REST: variants seen among roughly 807,000 people sequenced by gnomAD.
REST encodes RE1-silencing transcription factor.
A neutral mutation model predicts 30.4 loss-of-function variants in REST; 1 was observed. The observed-to-expected ratio is 0.03, with a 90% CI of 0.01 to 0.16. The LOEUF is 0.16. Among genes scored for constraint, REST ranks in the 10% least tolerant of loss-of-function variants. REST has a pLI of 1.00. For missense variants in REST, 1,259 were observed against 1,329.5 expected, an observed-to-expected ratio of 0.95 and a Z score of 0.82; for synonymous variants, 504 against 451.1, an observed-to-expected ratio of 1.12 and a Z score of -1.49.
chr4:56,907,984 G>C lies in REST; in HGVS notation c.-239G>C, dbSNP rs868082678. 10 of 366,406 alleles carry C rather than the reference G, an allele frequency of 2.7e-5. No homozygotes were observed. In the South Asian group the frequency reaches 1.2e-3, roughly 44 times the overall value. The allele number at this position is 366,406 out of a possible 1,614,324, so 22.7% of individuals were successfully genotyped here. On this transcript the variant is annotated 5_prime_UTR_variant, in exon 1 of 4. Coordinates refer to ENST00000309042, the MANE Select transcript of REST (RefSeq NM_005612.5). ...GCGGAGCGAGCGCCGCCGAGGCCCG[G>C]GGCCCCAGACCCTGGCGGCGGCTGC...
At chr4:56,926,305 CCT>C (rs1187916969) in intron 3 of REST, among the ~76,000 whole-genome samples, 6 of 152,070 alleles carry the variant, frequency 3.9e-5, no homozygotes, top group African/African-American at 1.4e-4. Flanking sequence ...CAACTCCTGA[CCT>C]CTTGATTCGC....
At position 56,931,600 on chromosome 4, in the gene REST, C is replaced by T. The variant is rs757216362; in HGVS notation, c.2742C>T (p.Asn914=). 2.6e-5 allele frequency: 42 copies of T among 1,614,080 alleles called. No individual in the cohort carries two copies. Among genetic ancestry groups the T allele is most frequent in the South Asian group, 4.4e-5 (4 of 91,084 alleles). ...ESLPGLAANI[N]ESTHISSSGQ... ...TACCTGGTCTTGCTGCTAATATCAA[C>T]GAATCTACCCATATTTCATCCTCTG... is the stretch of plus-strand genomic sequence containing the variant. The change falls in exon 4 of 4, where the codon AAC becomes AAT. Residue 914 remains asparagine, a synonymous_variant. Transcript: ENST00000309042.
At chr4:56,909,509 C>G (rs954880553) in intron 1 of REST, 1 of 152,196 alleles carries the variant, frequency 6.6e-6, no homozygotes, top group Non-Finnish European at 1.5e-5. Context: ...CCAAATTACC[C>G]AATAGCTTGG....
At position 56,931,541 on chromosome 4, in the gene REST, C is replaced by T; in HGVS notation, c.2683C>T (p.Gln895Ter). Reference sequence around the variant, plus strand: ...TGAAGGAAATAAAGAAGCCCCTCTTCAGAAAGTAGGAGCAGAAGAGGCAGA... The same window carrying T: ...TGAAGGAAATAAAGAAGCCCCTCTTTAGAAAGTAGGAGCAGAAGAGGCAGA... Reference protein sequence around the residue: ...TGEGNKEAPLQKVGAEEADES... With the variant: ...TGEGNKEAPL The change falls in exon 4 of 4, where the codon CAG (glutamine) becomes TAG (stop). Residue 895 changes from glutamine to a stop codon, truncating the protein, a stop_gained. Transcript: ENST00000309042. LOFTEE classifies it low-confidence loss of function (END_TRUNC). 1 of 1,614,202 alleles carries T rather than the reference C, an allele frequency of 6.2e-7. No individual in the cohort carries two copies. The highest frequency in any genetic ancestry group is 8.5e-7 in the Non-Finnish European group (1 of 1,180,038).
Position 56,910,763 on chromosome 4 carries a change from C to G in REST, c.125C>G (p.Ala42Gly), listed in dbSNP as rs769459656. 2 of 1,614,178 alleles carry G rather than the reference C, an allele frequency of 1.2e-6. No homozygotes were observed. The highest frequency in any genetic ancestry group is 1.7e-6 in the Non-Finnish European group (2 of 1,180,044). Residue 42 changes from alanine (A) to glycine (G), a missense_variant, in exon 2 of 4, where the codon GCC (alanine) becomes GGC (glycine). This residue lies in a region of REST where 249 missense variants were observed against 251.5 expected (regional missense o/e 0.99). Coordinates refer to ENST00000309042, the MANE Select transcript of REST (RefSeq NM_005612.5). ...CATGACCTTTCCAAAGCTGAACTGG[C>G]CGCACCTCAGCTTATTATGCTGGCA... ...DLHDLSKAEL[A>G]APQLIMLANV... is the part of the protein sequence containing the mutation.
Position 56,934,368 on chromosome 4 carries a change from T to C in REST, c.*2216T>C, listed in dbSNP as rs1466441832. On this transcript the variant is annotated 3_prime_UTR_variant, in exon 4 of 4. Transcript: ENST00000309042. ...TCTTTCATACTGCAAAGAAAAACCA[T>C]TTGCCTTTTGGGGAATTGAGCTAAC... 6.6e-6 allele frequency: 1 copy of C among 152,144 alleles called. No homozygotes were observed. The highest frequency in any genetic ancestry group is 2.4e-5 in the African/African-American group (1 of 41,434). The allele number at this position is 152,144 out of a possible 1,614,324, so 9.4% of individuals were successfully genotyped here. A position where few individuals can be genotyped will look rare whatever the true frequency, so the allele number is the denominator to read the frequency against.
chr4:56,915,241 T>TGTA (rs71208951), intron 2 of REST, among the ~76,000 whole-genome samples: 49 of 55,090 alleles, frequency 8.9e-4, no homozygotes, highest in Admixed American at 2.4e-3. Context: ...TGTGTGTGTA[T>TGTA]TTTTTTTTTT....
At chr4:56,922,169 G>C (rs2109552142) in intron 3 of REST, among the ~76,000 whole-genome samples, 1 of 151,740 alleles carries the variant, frequency 6.6e-6, no homozygotes, top group Middle Eastern at 3.4e-3. Flanking sequence ...GGTGTTTTTT[G>C]GTTTCATTCT....
intron 3 of REST, among the ~76,000 whole-genome samples, chr4:56,921,198 A>G (rs1427654281): frequency 6.6e-6 from 1 of 152,090 alleles, no homozygotes; most frequent in Non-Finnish European, 1.5e-5. Context: ...CAGATTTAGA[A>G]TGTATATCCC....
At chr4:56,912,577 T>C (rs1272085125) in intron 2 of REST, among the ~76,000 whole-genome samples, 1 of 151,978 alleles carries the variant, frequency 6.6e-6, no homozygotes, top group Non-Finnish European at 1.5e-5. Flanking sequence ...TGCAGTGGCA[T>C]GGTCTTGGCT....
Position 56,935,104 on chromosome 4 carries a change from A to C in REST, c.*2952A>C, listed in dbSNP as rs1300574427. On this transcript the variant is annotated 3_prime_UTR_variant, in exon 4 of 4. Transcript: ENST00000309042. Reference sequence around the variant, plus strand: ...ATTTTATTTTTTAGAGTCACTTCTAAAGTCATGTGGTAATTAACTTTGGAG... The same window carrying C: ...ATTTTATTTTTTAGAGTCACTTCTACAGTCATGTGGTAATTAACTTTGGAG... 3 of 151,994 alleles carry C rather than the reference A, an allele frequency of 2.0e-5. No individual in the cohort carries two copies. Among genetic ancestry groups the C allele is most frequent in the Non-Finnish European group, 4.4e-5 (3 of 68,018 alleles). The allele number at this position is 151,994 out of a possible 1,614,324, so 9.4% of individuals were successfully genotyped here. A position where few individuals can be genotyped will look rare whatever the true frequency, so the allele number is the denominator to read the frequency against.
intron 3 of REST, chr4:56,927,749 C>A: frequency 4.2e-6 from 2 of 476,446 alleles, no homozygotes; most frequent in Non-Finnish European, 6.6e-6. Flanking sequence ...GTGATTGTGA[C>A]TTTGCTTATT....
chr4:56,931,591 T>C lies in REST; in HGVS notation c.2733T>C (p.Ala911=). 6.2e-7 allele frequency: 1 copy of C among 1,614,238 alleles called. No homozygotes were observed. Among genetic ancestry groups the C allele is most frequent in the East Asian group, 2.2e-5 (1 of 44,880 alleles). Residue 911 remains alanine (A), a synonymous_variant, in exon 4 of 4, where the codon GCT becomes GCC. Coordinates refer to ENST00000309042, the MANE Select transcript of REST (RefSeq NM_005612.5). ...EADESLPGLA[A]NINESTHISS... is the part of the protein sequence containing the mutation. ...ATGAGAGCCTACCTGGTCTTGCTGC[T>C]AATATCAACGAATCTACCCATATTT...
Position 56,935,781 on chromosome 4 carries a change from C to A in REST, c.*3629C>A, listed in dbSNP as rs778925050. The A allele has an allele frequency of 1.3e-5, 2 of 152,146 alleles. No individual in the cohort carries two copies. The highest frequency in any genetic ancestry group is 3.8e-4 in the East Asian group (2 of 5,196). The allele number at this position is 152,146 out of a possible 1,614,324, so 9.4% of individuals were successfully genotyped here. Reference sequence around the variant, plus strand: ...GGATAAGTTAAACTTAAATTGCATTCTATTAACCAATATGAGTGTATTTCT... The same window carrying A: ...GGATAAGTTAAACTTAAATTGCATTATATTAACCAATATGAGTGTATTTCT... On this transcript the variant is annotated 3_prime_UTR_variant, in exon 4 of 4. Transcript: ENST00000309042.
rs1721113873 is a variant in REST, at chr4:56,935,444, T to C, written c.*3292T>C. The C allele has an allele frequency of 6.6e-6, 1 of 152,230 alleles. No individual in the cohort carries two copies. Among genetic ancestry groups the C allele is most frequent in the Non-Finnish European group, 1.5e-5 (1 of 68,048 alleles). 9.4% of individuals were successfully genotyped at this position (152,230 alleles called of 1,614,324 possible). ...GCAATATTAACTAAATCAGATAGCT[T>C]TTACAGTTTCACATGTGTACATAGG... On this transcript the variant is annotated 3_prime_UTR_variant, in exon 4 of 4. Coordinates refer to ENST00000309042, the MANE Select transcript of REST (RefSeq NM_005612.5).
At chr4:56,928,138 G>A (rs566791586) in intron 3 of REST, among the ~76,000 whole-genome samples, 11 of 152,196 alleles carry the variant, frequency 7.2e-5, no homozygotes, top group East Asian at 3.9e-4. Context: ...ACGAAGTTTC[G>A]CTCTTGTCGC....
At chr4:56,921,601 G>T (rs1166395513) in intron 3 of REST, among the ~76,000 whole-genome samples, 1 of 151,938 alleles carries the variant, frequency 6.6e-6, no homozygotes, top group Non-Finnish European at 1.5e-5. Flanking sequence ...GTAGAGATGG[G>T]GTTTCGCCAT....
At chr4:56,917,847 C>G (rs1219119586) in intron 2 of REST, among the ~76,000 whole-genome samples, 1 of 150,672 alleles carries the variant, frequency 6.6e-6, no homozygotes. Context: ...GTCAGGAGAT[C>G]GAGACCATCC....
intron 3 of REST, 47 bp from the exon 4 acceptor site, chr4:56,929,794 A>G (rs1465882787): frequency 1.3e-6 from 2 of 1,521,364 alleles, no homozygotes; most frequent in African/African-American, 2.8e-5. Flanking sequence ...TTAATCTTGA[A>G]TTTGTCTTAA....
Sources: allele counts gnomAD v4.1 joint callset (sites outside exome capture counted in the v4.1 genomes callset), GRCh38; gene constraint gnomAD v4.1.1; regional missense constraint gnomAD v4.1.1; transcripts MANE v1.5; gene names NCBI Gene and HGNC (gene_info 2026-07-23, HGNC 2026-07-21).